LIFR: variants seen among roughly 807,000 people sequenced by gnomAD.
LIFR encodes leukemia inhibitory factor receptor.
Under a neutral mutation model 122.2 loss-of-function variants are expected in LIFR, and 84 were observed. The ratio of observed to expected loss-of-function variants is 0.69; its 90% CI spans 0.58 to 0.82. LIFR has a LOEUF of 0.82. Among genes scored for constraint, LIFR ranks in the 40% least tolerant of loss-of-function variants. LIFR has a pLI of 0.00. For missense variants in LIFR, 1,294 were observed against 1,311.6 expected (o/e 0.99, Z 0.21); for synonymous variants, 422 against 434.7 (o/e 0.97, Z 0.36).
chr5:38,523,138 G>T (rs903076122), intron 5 of LIFR, among the ~76,000 whole-genome samples: 2 of 152,106 alleles, frequency 1.3e-5, no homozygotes, highest in Non-Finnish European at 2.9e-5. Context: ...ATATAAACAA[G>T]TCCAGACAGG....
chr5:38,495,267 T>C (rs557489825), intron 13 of LIFR, among the ~76,000 whole-genome samples: 4 of 152,224 alleles, frequency 2.6e-5, no homozygotes, highest in Non-Finnish European at 4.4e-5. Context: ...AACATAGCTA[T>C]TGCCTAGCAT....
upstream of LIFR, chr5:38,558,413 T>C (rs887549712): frequency 5.3e-5 from 8 of 152,104 alleles, no homozygotes; most frequent in Non-Finnish European, 1.2e-4. Flanking sequence ...ATGGCTAACA[T>C]CCACCTGATA....
chr5:38,574,362 C>T (rs1341691216), intron 1 of LIFR, among the ~76,000 whole-genome samples: 1 of 152,262 alleles, frequency 6.6e-6, no homozygotes, highest in East Asian at 1.9e-4. Flanking sequence ...AGACACTCCT[C>T]CCAGACCCCC....
intron 5 of LIFR, among the ~76,000 whole-genome samples, chr5:38,514,184 T>A (rs1745953217): frequency 6.6e-6 from 1 of 152,012 alleles, no homozygotes; most frequent in African/African-American, 2.4e-5. Flanking sequence ...AGGATTGTTG[T>A]GGAAGGTTCA....
At chr5:38,544,672 T>C (rs552065061) in intron 1 of LIFR, among the ~76,000 whole-genome samples, 2 of 152,286 alleles carry the variant, frequency 1.3e-5, no homozygotes, top group South Asian at 2.1e-4. Flanking sequence ...CCTAGAGGTA[T>C]CTATGCATAC....
chr5:38,511,694 T>G, intron 6 of LIFR, 96 bp downstream of exon 6: 21 of 1,180,436 alleles, frequency 1.8e-5, no homozygotes, highest in Non-Finnish European at 2.6e-5. Context: ...TGCAGCTGAA[T>G]GAGGTTATGA....
At chr5:38,521,913 T>TA (rs769175121) in intron 5 of LIFR, among the ~76,000 whole-genome samples, 1 of 151,986 alleles carries the variant, frequency 6.6e-6, no homozygotes, top group Non-Finnish European at 1.5e-5. Flanking sequence ...CCTAGGTCCA[T>TA]AGGCTGTAAG....
At chr5:38,561,472 G>A (rs1281581337), upstream of LIFR, among the ~76,000 whole-genome samples, 3 of 152,264 alleles carry the variant, frequency 2.0e-5, no homozygotes, top group Non-Finnish European at 2.9e-5. Flanking sequence ...ATGACAAAAT[G>A]AGTTAATTCC....
Position 38,482,015 on chromosome 5 carries a change from T to C in LIFR, c.2874A>G (p.Ile958Met). 1 of 1,614,130 alleles carries C rather than the reference T, an allele frequency of 6.2e-7. No individual in the cohort carries two copies. The change falls in exon 20 of 20, where the codon ATA (isoleucine) becomes ATG (methionine). Residue 958 changes from isoleucine (I) to methionine (M), a missense_variant. By Grantham distance (10) the Ile-to-Met change is conservative. Coordinates refer to ENST00000453190, the MANE Select transcript of LIFR (RefSeq NM_001127671.2). Reference protein sequence around the residue: ...SYCPPIIEEEIPNPAADEAGG... With the variant: ...SYCPPIIEEEMPNPAADEAGG... ...CAGCTTCATCTGCGGCTGGGTTTGG[T>C]ATTTCTTCCTCAATGATGGGTGGAC...
chr5:38,554,903 A>G (rs764733112), intron 1 of LIFR: 5 of 152,224 alleles, frequency 3.3e-5, no homozygotes, highest in Non-Finnish European at 7.3e-5. Flanking sequence ...TTCAAAAATC[A>G]CAAAAGTTTT....
At chr5:38,601,376 A>G (rs1047877296) in intron 2 of LIFR, among the ~76,000 whole-genome samples, 5 of 152,216 alleles carry the variant, frequency 3.3e-5, no homozygotes, top group Admixed American at 2.6e-4. Flanking sequence ...GTGTCTGGTT[A>G]TAGCAGCCTG....
chr5:38,483,177 A>G (rs929590790), intron 18 of LIFR, among the ~76,000 whole-genome samples: 2 of 152,208 alleles, frequency 1.3e-5, no homozygotes, highest in Admixed American at 6.5e-5. Context: ...TCACGAGTAC[A>G]CTGCAGGCTG....
chr5:38,487,435 C>T (rs943352130), intron 16 of LIFR, among the ~76,000 whole-genome samples: 2 of 152,130 alleles, frequency 1.3e-5, no homozygotes, highest in African/African-American at 2.4e-5. Flanking sequence ...TTCCTGATTG[C>T]TTGCACATGA....
intron 1 of LIFR, among the ~76,000 whole-genome samples, chr5:38,532,276 A>G (rs553748715): frequency 6.6e-6 from 1 of 152,348 alleles, no homozygotes; most frequent in African/African-American, 2.4e-5. Flanking sequence ...GCTCTGGACC[A>G]GGTGCTTCCA....
At chr5:38,516,751 T>C (rs1746104840) in intron 5 of LIFR, among the ~76,000 whole-genome samples, 1 of 152,156 alleles carries the variant, frequency 6.6e-6, no homozygotes, top group Non-Finnish European at 1.5e-5. Flanking sequence ...TAAAGACACA[T>C]GCACACATAG....
At chr5:38,545,138 C>T (rs1363241115) in intron 1 of LIFR, among the ~76,000 whole-genome samples, 3 of 151,956 alleles carry the variant, frequency 2.0e-5, no homozygotes, top group Non-Finnish European at 2.9e-5. Flanking sequence ...GGCGTGGTGG[C>T]GGACGCCTGT....
intron 1 of LIFR, among the ~76,000 whole-genome samples, chr5:38,547,753 G>C (rs557327810): frequency 6.6e-6 from 1 of 152,198 alleles, no homozygotes; most frequent in East Asian, 1.9e-4. Context: ...AGGCAATTTT[G>C]TTGTTGTGTG....
chr5:38,531,990 T>C (rs1484642875), intron 1 of LIFR, among the ~76,000 whole-genome samples: 1 of 152,228 alleles, frequency 6.6e-6, no homozygotes, highest in Non-Finnish European at 1.5e-5. Flanking sequence ...CTTAGTAGAA[T>C]GAAAATGTAT....
intron 5 of LIFR, among the ~76,000 whole-genome samples, chr5:38,519,964 A>G (rs1233735194): frequency 6.6e-6 from 1 of 152,092 alleles, no homozygotes; most frequent in Non-Finnish European, 1.5e-5. Context: ...ACACTGATTT[A>G]TTTTCCTTTG....
Sources: allele counts gnomAD v4.1 joint callset (sites outside exome capture counted in the v4.1 genomes callset), GRCh38; gene constraint gnomAD v4.1.1; transcripts MANE v1.5; gene names NCBI Gene and HGNC (gene_info 2026-07-23, HGNC 2026-07-21).